OTOP2: variants seen among roughly 807,000 people sequenced by gnomAD.
OTOP2 encodes proton channel OTOP2.
In OTOP2, 41 loss-of-function variants were observed where a neutral mutation model predicts 47.4. The observed-to-expected ratio is 0.87, with a 90% CI of 0.67 to 1.12. The LOEUF (loss-of-function observed/expected upper bound fraction) is 1.12, where lower values mean the gene tolerates loss of function less well. OTOP2 is among the 50% of genes most tolerant of loss of function. OTOP2 has a pLI of 0.00. For missense variants in OTOP2, 721 were observed against 752.2 expected, an observed-to-expected ratio of 0.96 and a Z score of 0.49; for synonymous variants, 328 against 319.6, an observed-to-expected ratio of 1.03 and a Z score of -0.28.
chr17:74,927,507 G>T (rs2039019182), intron 4 of OTOP2, 158 bp from the exon 5 acceptor site: 2 of 1,143,480 alleles, frequency 1.7e-6, no homozygotes, highest in Non-Finnish European at 2.5e-6. Flanking sequence ...CCCTCTCTTT[G>T]GTGGCATACC....
Position 74,930,498 on chromosome 17 carries a change from CCTT to C in OTOP2, c.864_866del (p.Phe290del), listed in dbSNP as rs1313546889. 1.1e-5 allele frequency: 18 copies of C among 1,612,962 alleles called. No homozygotes were observed. The highest frequency in any genetic ancestry group is 3.3e-5 in the Admixed American group (2 of 59,990). The stretch of plus-strand genomic sequence containing the variant: ...ACCCCTGTCAGCCTCTTCCGGGAGA[CCTT>C]TTTTGCTGGCCCGGTTCTGGGCCTG... On this transcript the variant is annotated inframe_deletion, in exon 6 of 7. Transcript: ENST00000331427. This position sits in a 1 kb window ranked among gnomAD's most constrained non-coding sequence, Gnocchi z 4.0.
rs2039073792 is a variant in OTOP2, at chr17:74,933,074, T to G, written c.1519-301T>G. Among the ~76,000 whole-genome samples, 1 of 151,938 alleles carries G rather than the reference T, an allele frequency of 6.6e-6. No homozygotes were observed. The highest frequency in any genetic ancestry group is 2.1e-4 in the South Asian group (1 of 4,818). ...TACCTCTTCTTCTAGAGAAACCTCT[T>G]CTCCCCTCCCCAATCCCACATTGAG... On this transcript the variant is annotated intron_variant, in intron 6 of 6. Transcript: ENST00000331427. This position sits in a 1 kb window ranked among gnomAD's most constrained non-coding sequence, Gnocchi z 4.7.
chr17:74,927,327 C>T (rs769920749), intron 4 of OTOP2, 46 bp downstream of exon 4: 71 of 1,569,020 alleles, frequency 4.5e-5, no homozygotes, highest in Non-Finnish European at 6.2e-5. Context: ...CTGGTGTTCA[C>T]CTTGCAGGAG....
At position 74,930,565 on chromosome 17, in the gene OTOP2, C is replaced by T. The variant is rs61746106; in HGVS notation, c.930C>T (p.Tyr310=). Residue 310 remains tyrosine (Y), a synonymous_variant, in exon 6 of 7, where the codon TAC becomes TAT. Coordinates refer to ENST00000331427, the MANE Select transcript of OTOP2 (RefSeq NM_178160.3). The surrounding 1 kb of genome is among the most constrained non-coding windows in gnomAD (Gnocchi z 4.0). ...TGGGGCTGGCTGTCTTCATCATCTA[C>T]GAGGTTCAAGTGAGCGGGGACGGGA... The part of the protein sequence containing the change: ...FVVGLAVFII[Y]EVQVSGDGSR... 62,445 of 1,613,682 alleles carry T rather than the reference C, an allele frequency of 0.039. 1,391 individuals carry two copies. Among genetic ancestry groups the T allele is most frequent in the Admixed American group, 0.057 (3,409 of 60,006 alleles).
chr17:74,929,218 C>T (rs1441573378), intron 5 of OTOP2, among the ~76,000 whole-genome samples: 3 of 151,948 alleles, frequency 2.0e-5, no homozygotes, highest in Non-Finnish European at 2.9e-5. Context: ...ACAGAAGTAA[C>T]GGGAGGTCAT....
In OTOP2 at chr17:74,927,998, T is replaced by G. The variant is rs529803763; in HGVS notation, c.643+200T>G. The G allele has an allele frequency of 1.6e-5, 11 of 694,290 alleles. No individual in the cohort carries two copies. In the East Asian group the frequency reaches 2.7e-4, roughly 17 times the overall value. 43.0% of individuals were successfully genotyped at this position (694,290 alleles called of 1,614,324 possible). ...AAGGGAAGTATCAGGGGTACCCTTTTATCCTTGAGGCTGCAGCCCAGGCCC... is the reference window on the plus strand; with the variant it reads ...AAGGGAAGTATCAGGGGTACCCTTTGATCCTTGAGGCTGCAGCCCAGGCCC... On this transcript the variant is annotated intron_variant, in intron 5 of 6. Coordinates refer to ENST00000331427, the MANE Select transcript of OTOP2 (RefSeq NM_178160.3).
intron 5 of OTOP2, among the ~76,000 whole-genome samples, chr17:74,928,969 A>G (rs532482757): frequency 1.3e-5 from 2 of 152,238 alleles, no homozygotes; most frequent in East Asian, 3.9e-4. Context: ...TGGACTTCAC[A>G]TGGGGGCCTG....
rs1469622974 is a variant in OTOP2, at chr17:74,933,560, G to A, written c.*15G>A. ...TGCTGTCCTGAGGCCTCCAACAGAG[G>A]CATGGGGGGCAGGAAGAGGGGGCTC... is the stretch of plus-strand genomic sequence containing the variant. On this transcript the variant is annotated 3_prime_UTR_variant, in exon 7 of 7. Coordinates refer to ENST00000331427, the MANE Select transcript of OTOP2 (RefSeq NM_178160.3). The surrounding 1 kb of genome is among the most constrained non-coding windows in gnomAD (Gnocchi z 4.7). 1 of 1,567,410 alleles carries A rather than the reference G, an allele frequency of 6.4e-7. No homozygotes were observed. Among genetic ancestry groups the A allele is most frequent in the East Asian group, 2.3e-5 (1 of 43,944 alleles).
At chr17:74,929,514 C>T (rs1447777843) in intron 5 of OTOP2, among the ~76,000 whole-genome samples, 1 of 152,174 alleles carries the variant, frequency 6.6e-6, no homozygotes, top group Non-Finnish European at 1.5e-5. Flanking sequence ...CAACCTCTGC[C>T]TCCTGGGTTC....
chr17:74,931,674 G>T (rs2039060231), intron 6 of OTOP2, among the ~76,000 whole-genome samples: 2 of 152,006 alleles, frequency 1.3e-5, no homozygotes, highest in South Asian at 4.1e-4. Flanking sequence ...AACAGACTTG[G>T]CCGGGTGCAG....
At chr17:74,932,870 C>T (rs1598596622) in intron 6 of OTOP2, among the ~76,000 whole-genome samples, 1 of 152,120 alleles carries the variant, frequency 6.6e-6, no homozygotes, top group Admixed American at 6.5e-5. Context: ...CCACTTCCTC[C>T]CACTCCTGGA....
At chr17:74,928,841 T>G (rs1319395910) in intron 5 of OTOP2, among the ~76,000 whole-genome samples, 2 of 151,624 alleles carry the variant, frequency 1.3e-5, no homozygotes, top group African/African-American at 4.9e-5. Flanking sequence ...CATGGGAGGG[T>G]CCGGCAACAG....
In OTOP2 at chr17:74,924,599, G is replaced by A. The variant is rs1210551554; in HGVS notation, c.-33-1G>A. The A allele has an allele frequency of 1.3e-5, 19 of 1,501,842 alleles. No homozygotes were observed. Among genetic ancestry groups the A allele is most frequent in the Admixed American group, 4.3e-5 (2 of 46,850 alleles). The allele number at this position is 1,501,842 out of a possible 1,614,324, so 93.0% of individuals were successfully genotyped here. On this transcript the variant is annotated splice_acceptor_variant, in intron 1 of 6. Coordinates refer to ENST00000331427, the MANE Select transcript of OTOP2 (RefSeq NM_178160.3). LOFTEE classifies it low-confidence loss of function (5UTR_SPLICE). The surrounding 1 kb of genome is among the most constrained non-coding windows in gnomAD (Gnocchi z 7.7). ...GAGTTTTGTCCGCTCCTCCCCTACA[G>A]TGATCCCTCTAGCCTTCTCCAGTCG...
Position 74,933,629 on chromosome 17 carries a change from C to A in OTOP2, c.*84C>A. The A allele has an allele frequency of 1.4e-6, 2 of 1,402,088 alleles. No individual in the cohort carries two copies. The highest frequency in any genetic ancestry group is 1.9e-6 in the Non-Finnish European group (2 of 1,040,560). 86.9% of individuals were successfully genotyped at this position (1,402,088 alleles called of 1,614,324 possible). A position where few individuals can be genotyped will look rare whatever the true frequency, so the allele number is the denominator to read the frequency against. ...GACACCCTCTGGGAATGAATCCCAG[C>A]TGGTGCCATATGACAGCCCATTTCC... On this transcript the variant is annotated 3_prime_UTR_variant, in exon 7 of 7. Coordinates refer to ENST00000331427, the MANE Select transcript of OTOP2 (RefSeq NM_178160.3). The surrounding 1 kb of genome is among the most constrained non-coding windows in gnomAD (Gnocchi z 4.7).
rs1210182774 is a variant in OTOP2 at position 74,924,459 on chromosome 17, C to T, written c.-34+126C>T. ...AGGGGCAGGTTCCGCATTTTCTCTT[C>T]CCCTTTCCCAGCGCTTCCTCCAGCA... On this transcript the variant is annotated intron_variant, in intron 1 of 6. Transcript: ENST00000331427. The surrounding 1 kb of genome is among the most constrained non-coding windows in gnomAD (Gnocchi z 7.7). The T allele has an allele frequency of 5.7e-6, 4 of 696,510 alleles. No individual in the cohort carries two copies. The highest frequency in any genetic ancestry group is 2.2e-5 in the South Asian group (1 of 45,492). The allele number at this position is 696,510 out of a possible 1,614,324, so 43.1% of individuals were successfully genotyped here. A position where few individuals can be genotyped will look rare whatever the true frequency, so the allele number is the denominator to read the frequency against.
chr17:74,933,736 C>T lies in OTOP2; in HGVS notation c.*191C>T, dbSNP rs1790381907. The T allele has an allele frequency of 4.7e-5, 29 of 617,586 alleles. No individual in the cohort carries two copies. The South Asian group carries it at 8.0e-4, about 17-fold the overall frequency. 38.3% of individuals were successfully genotyped at this position (617,586 alleles called of 1,614,324 possible). Reference sequence around the variant, plus strand: ...ATCACAGTCAGGACAGGCCCATCCACCCCAGTATGACCGTGGGGCATGAGG... The same window carrying T: ...ATCACAGTCAGGACAGGCCCATCCATCCCAGTATGACCGTGGGGCATGAGG... On this transcript the variant is annotated 3_prime_UTR_variant, in exon 7 of 7. Transcript: ENST00000331427. The surrounding 1 kb of genome is among the most constrained non-coding windows in gnomAD (Gnocchi z 4.7).
rs758825400 is a variant in OTOP2 at position 74,933,533 on chromosome 17, C to T, written c.1677C>T (p.Tyr559=). ...CTGTGTCCAGCCTGCTGGAGGTCTA[C>T]GTGCTGTCCTGAGGCCTCCAACAGA... ...MHAVSSLLEV[Y]VLS The change falls in exon 7 of 7, where the codon TAC becomes TAT. Residue 559 remains tyrosine (Y), a synonymous_variant. Coordinates refer to ENST00000331427, the MANE Select transcript of OTOP2 (RefSeq NM_178160.3). This position sits in a 1 kb window ranked among gnomAD's most constrained non-coding sequence, Gnocchi z 4.7. 1.2e-5 allele frequency: 19 copies of T among 1,610,844 alleles called. No individual in the cohort carries two copies. The highest frequency in any genetic ancestry group is 1.2e-4 in the Admixed American group (7 of 59,926).
In OTOP2 at chr17:74,930,431, G is replaced by A; in HGVS notation, c.796G>A (p.Gly266Ser). Residue 266 changes from glycine (G) to serine (S), a missense_variant, in exon 6 of 7, where the codon GGT (glycine) becomes AGT (serine). Coordinates refer to ENST00000331427, the MANE Select transcript of OTOP2 (RefSeq NM_178160.3). This position sits in a 1 kb window ranked among gnomAD's most constrained non-coding sequence, Gnocchi z 4.0. ...TMLYVMWKNV[G>S]RFLASTPGHS... ...GCTGTATGTCATGTGGAAGAATGTGGGTAGATTCCTGGCCTCCACCCCTGG... is the reference window on the plus strand; with the variant it reads ...GCTGTATGTCATGTGGAAGAATGTGAGTAGATTCCTGGCCTCCACCCCTGG... The A allele has an allele frequency of 1.2e-6, 2 of 1,614,108 alleles. No individual in the cohort carries two copies. The highest frequency in any genetic ancestry group is 1.7e-6 in the Non-Finnish European group (2 of 1,180,012).
chr17:74,926,872 C>A (rs1241113675), intron 3 of OTOP2, among the ~76,000 whole-genome samples: 1 of 152,020 alleles, frequency 6.6e-6, no homozygotes, highest in Non-Finnish European at 1.5e-5. Context: ...TCTCCTGCCT[C>A]AGCCTCCCAA....
Sources: allele counts gnomAD v4.1 joint callset (sites outside exome capture counted in the v4.1 genomes callset), GRCh38; gene constraint gnomAD v4.1.1; non-coding constraint Gnocchi (gnomAD v3.1); transcripts MANE v1.5; gene names NCBI Gene and HGNC (gene_info 2026-07-23, HGNC 2026-07-21).